The following PINX1 variants were observed in gnomAD, a reference collection of about 807,000 sequenced individuals.
PINX1 encodes PIN2 (TERF1) interacting telomerase inhibitor 1, also known as PIN2/TERF1-interacting telomerase inhibitor 1.
PINX1 carries 34 observed loss-of-function variants against 25.4 expected under a neutral mutation model. That is an observed-to-expected ratio of 1.34 (90% CI 1.02 to 1.78). The LOEUF (loss-of-function observed/expected upper bound fraction) is 1.78, where lower values mean the gene tolerates loss of function less well. Ranked by LOEUF, PINX1 falls within the 40% of genes most tolerant of loss-of-function variation. The probability of loss-of-function intolerance (pLI) is 0.00; values close to 1 mark genes in which losing one functional copy is unlikely to be tolerated. For missense variants in PINX1, 592 were observed against 404.9 expected (o/e 1.46, Z -3.97); for synonymous variants, 197 against 147.7 (o/e 1.33, Z -2.42).
chr8:10,837,048 T>C (rs1048828687), intron 1 of PINX1, among the ~76,000 whole-genome samples: 2 of 152,244 alleles, frequency 1.3e-5, no homozygotes, highest in African/African-American at 4.8e-5. Flanking sequence ...CTGACTGCTA[T>C]CCTTTGAAAG....
In PINX1 at chr8:10,785,323, A is replaced by C. The variant is rs116307068; in HGVS notation, c.472-19407T>G. ...AAGGATTGGCGTAGCAAGTTAACCC[A>C]TCAGAATCTTATTTTAATACTTTAC... On this transcript the variant is annotated intron_variant, in intron 6 of 6. Transcript: ENST00000314787. 2.4e-3 allele frequency among the ~76,000 whole-genome samples: 362 copies of C among 152,330 alleles called. 1 individual carries two copies. Among genetic ancestry groups the C allele is most frequent in the African/African-American group, 8.4e-3 (351 of 41,572 alleles).
chr8:10,765,783 A>G lies in PINX1; in HGVS notation c.605T>C (p.Ile202Thr), dbSNP rs776142494. Residue 202 changes from isoleucine to threonine, a missense_variant, in exon 7 of 7, where the codon ATT (isoleucine) becomes ACT (threonine). Coordinates refer to ENST00000314787, the MANE Select transcript of PINX1 (RefSeq NM_017884.6). ...KPQVPVPGSDISETQVERKRG... is the reference protein window; with the variant it reads ...KPQVPVPGSDTSETQVERKRG... ...TTTACGTTCCACCTGCGTCTCAGAA[A>G]TGTCAGACCCTGGAACTGGAACCTG... 8 of 1,613,762 alleles carry G rather than the reference A, an allele frequency of 5.0e-6. No homozygotes were observed. In the African/African-American group the frequency reaches 1.1e-4, roughly 22 times the overall value.
chr8:10,793,200 G>C (rs1468039610), intron 6 of PINX1, among the ~76,000 whole-genome samples: 1 of 152,178 alleles, frequency 6.6e-6, no homozygotes, highest in Non-Finnish European at 1.5e-5. Flanking sequence ...GTAACTCCTA[G>C]TGTCTGCATC....
intron 6 of PINX1, among the ~76,000 whole-genome samples, chr8:10,787,283 G>T (rs957127897): frequency 7.9e-5 from 12 of 152,062 alleles, no homozygotes; most frequent in Admixed American, 2.6e-4. Flanking sequence ...CTGGAGAGCA[G>T]TGGCGCAAAC....
At chr8:10,836,891 C>G (rs1159266048) in intron 1 of PINX1, among the ~76,000 whole-genome samples, 1 of 152,140 alleles carries the variant, frequency 6.6e-6, no homozygotes, top group Non-Finnish European at 1.5e-5. Flanking sequence ...TAATGGCACC[C>G]AAGTTTCCAG....
intron 6 of PINX1, among the ~76,000 whole-genome samples, chr8:10,798,554 G>A (rs2129079012): frequency 6.6e-6 from 1 of 152,300 alleles, no homozygotes; most frequent in East Asian, 1.9e-4. Context: ...CATGTAGCCA[G>A]GACTCCTGGG....
intron 6 of PINX1, among the ~76,000 whole-genome samples, chr8:10,795,404 T>G (rs1452740936): frequency 6.6e-6 from 1 of 152,146 alleles, no homozygotes; most frequent in African/African-American, 2.4e-5. Flanking sequence ...ATTAAAAGTC[T>G]CTCTCCCCCA....
At chr8:10,796,208 TC>T (rs1233681204) in intron 6 of PINX1, among the ~76,000 whole-genome samples, 1 of 152,132 alleles carries the variant, frequency 6.6e-6, no homozygotes, top group Non-Finnish European at 1.5e-5. Context: ...AAGAGAGGCT[TC>T]CAAGGGACTG....
At chr8:10,819,486 C>G (rs1296293898) in intron 6 of PINX1, among the ~76,000 whole-genome samples, 2 of 152,204 alleles carry the variant, frequency 1.3e-5, no homozygotes, top group African/African-American at 4.8e-5. Context: ...ATACTTTTAG[C>G]CTGTTATCTT....
chr8:10,802,021 C>A (rs189881281), intron 6 of PINX1, among the ~76,000 whole-genome samples: 35 of 152,184 alleles, frequency 2.3e-4, no homozygotes, highest in African/African-American at 7.2e-5. Context: ...CGTACAAGTG[C>A]CAGCTACATC....
chr8:10,784,693 A>G (rs1801692816), intron 6 of PINX1, among the ~76,000 whole-genome samples: 1 of 152,258 alleles, frequency 6.6e-6, no homozygotes, highest in Admixed American at 6.5e-5. Flanking sequence ...AAAACCAGTC[A>G]GGTAAAATTT....
In PINX1 at chr8:10,806,398, G is replaced by A. The variant is rs796605311; in HGVS notation, c.471+13795C>T. Among the ~76,000 whole-genome samples the A allele has an allele frequency of 1.5e-4, 22 of 148,722 alleles. 2 individuals carry two copies. The highest frequency in any genetic ancestry group is 4.8e-4 in the African/African-American group (20 of 41,354). ...GAAGTAAATCTGAGGAGCAAACAGA[G>A]TAAGTTTTTGTGTTTTCTGTTTGTG... is the stretch of plus-strand genomic sequence containing the variant. On this transcript the variant is annotated intron_variant, in intron 6 of 6. Transcript: ENST00000314787.
chr8:10,833,749 G>A (rs980050970), intron 2 of PINX1: 1 of 160,120 alleles, frequency 6.2e-6, no homozygotes, highest in Non-Finnish European at 1.3e-5. Context: ...GACGACTGGG[G>A]CTGCGGGAGG....
intron 6 of PINX1, among the ~76,000 whole-genome samples, chr8:10,772,419 C>G (rs1801255438): frequency 6.6e-6 from 1 of 152,262 alleles, no homozygotes; most frequent in South Asian, 2.1e-4. Context: ...GCTCTTCTCT[C>G]TATGGAACCT....
chr8:10,824,664 G>C (rs1395795951), intron 5 of PINX1, among the ~76,000 whole-genome samples: 1 of 152,214 alleles, frequency 6.6e-6, no homozygotes, highest in Non-Finnish European at 1.5e-5. Flanking sequence ...CCCAGCCTCA[G>C]CAAATGCTTC....
At chr8:10,799,578 G>A (rs1175558544) in intron 6 of PINX1, among the ~76,000 whole-genome samples, 13 of 152,208 alleles carry the variant, frequency 8.5e-5, no homozygotes, top group Non-Finnish European at 1.9e-4. Context: ...TGAGCGGCCT[G>A]ACTGGGAGAA....
intron 6 of PINX1, among the ~76,000 whole-genome samples, chr8:10,812,768 C>G (rs891968835): frequency 1.3e-5 from 2 of 152,244 alleles, no homozygotes; most frequent in Non-Finnish European, 2.9e-5. Context: ...GGAACACAAG[C>G]TACAAGTCTG....
At chr8:10,799,573 G>T (rs748993529) in intron 6 of PINX1, among the ~76,000 whole-genome samples, 2 of 152,176 alleles carry the variant, frequency 1.3e-5, no homozygotes, top group African/African-American at 4.8e-5. Flanking sequence ...ACAGGTGAGC[G>T]GCCTGACTGG....
intron 1 of PINX1, among the ~76,000 whole-genome samples, 173 bp from the exon 2 acceptor site, chr8:10,834,948 C>G (rs942895772): frequency 4.6e-5 from 7 of 152,186 alleles, no homozygotes; most frequent in Non-Finnish European, 7.3e-5. Context: ...ATCATTTATC[C>G]TGATTTCCCT....
Sources: allele counts gnomAD v4.1 joint callset (sites outside exome capture counted in the v4.1 genomes callset), GRCh38; gene constraint gnomAD v4.1.1; transcripts MANE v1.5; gene names NCBI Gene and HGNC (gene_info 2026-07-23, HGNC 2026-07-21).